TBATA: variants seen among roughly 807,000 people sequenced by gnomAD.
The protein encoded by TBATA is protein TBATA.
Under a neutral mutation model 38.7 loss-of-function variants are expected in TBATA, and 47 were observed. That is an observed-to-expected ratio of 1.21 (90% CI 0.96 to 1.55). The LOEUF (loss-of-function observed/expected upper bound fraction) is 1.55. Among genes scored for constraint, TBATA ranks in the 40% most tolerant of loss-of-function variants. The pLI, the probability that TBATA is intolerant of heterozygous loss-of-function variation, is 0.00. For synonymous variants in TBATA, 183 were observed against 170.5 expected (o/e 1.07, Z -0.57); for missense variants, 436 against 435.6 (o/e 1.00, Z -0.01).
chr10:70,772,133 G>A lies in TBATA; in HGVS notation c.973+381C>T, dbSNP rs531648109. On this transcript the variant is annotated intron_variant, in intron 10 of 10. Transcript: ENST00000456372. Reference sequence around the variant, plus strand: ...TGGGTAGAGCTGTATCTTTCCTGCCGTTCAGCTCTAGGAGCCCTCTCCCCA... The same window carrying A: ...TGGGTAGAGCTGTATCTTTCCTGCCATTCAGCTCTAGGAGCCCTCTCCCCA... 1,404 of 454,716 alleles carry A rather than the reference G, an allele frequency of 3.1e-3. 23 individuals carry two copies. Among genetic ancestry groups the A allele is most frequent in the South Asian group, 0.023 (1,364 of 59,472 alleles). The allele number at this position is 454,716 out of a possible 1,614,324, so 28.2% of individuals were successfully genotyped here. A position where few individuals can be genotyped will look rare whatever the true frequency, so the allele number is the denominator to read the frequency against.
chr10:70,778,831 T>A, intron 5 of TBATA, 195 bp from the exon 6 acceptor site: 1 of 639,488 alleles, frequency 1.6e-6, no homozygotes, highest in African/African-American at 1.8e-5. Flanking sequence ...TGGCAGTGGG[T>A]GGGGTGCGGG....
In TBATA at chr10:70,775,196, C is replaced by T. The variant is rs760287886; in HGVS notation, c.768G>A (p.Pro256=). 2.6e-5 allele frequency: 42 copies of T among 1,613,854 alleles called. No individual in the cohort carries two copies. The highest frequency in any genetic ancestry group is 5.3e-5 in the African/African-American group (4 of 75,048). The stretch of plus-strand genomic sequence containing the variant: ...GCGGGGCTGTGTCCTCACCCTTGGG[C>T]GGAGCGTAGAGCAGCCAGAACTGGA... The part of the protein sequence containing the change: ...SAIQFWLLYA[P]PKEKDLALGL... Residue 256 remains proline, a synonymous_variant, in exon 8 of 11, where the codon CCG becomes CCA. Transcript: ENST00000456372.
Position 70,774,346 on chromosome 10 carries a change from C to A in TBATA, c.787G>T (p.Ala263Ser). ...ACTGCTGTCTGCAGGAGTCCCAGAG[C>A]GAGGTCTTTTTCTGAAAGCACAGCC... Reference protein sequence around the residue: ...LYAPPKEKDLALGLLQTAVAQ... With the variant: ...LYAPPKEKDLSLGLLQTAVAQ... Residue 263 changes from alanine (A) to serine (S), a missense_variant, in exon 9 of 11, where the codon GCT becomes TCT. Coordinates refer to ENST00000456372, the MANE Select transcript of TBATA (RefSeq NM_001318241.2). 1 of 1,595,908 alleles carries A rather than the reference C, an allele frequency of 6.3e-7. No individual in the cohort carries two copies. The highest frequency in any genetic ancestry group is 1.8e-5 in the Admixed American group (1 of 56,020).
intron 3 of TBATA, among the ~76,000 whole-genome samples, chr10:70,782,839 C>A (rs892096386): frequency 2.6e-5 from 4 of 152,208 alleles, no homozygotes; most frequent in Admixed American, 2.6e-4. Flanking sequence ...GCCCTTCTCA[C>A]GGTGGCCCTG....
At chr10:70,777,511 C>A (rs868468345) in intron 6 of TBATA, among the ~76,000 whole-genome samples, 173 bp from the exon 7 acceptor site, 48 of 150,934 alleles carry the variant, frequency 3.2e-4, no homozygotes, top group African/African-American at 1.1e-3. Flanking sequence ...GCCACCCCCC[C>A]AACCTCACCT....
At chr10:70,783,214 A>T in intron 3 of TBATA, 125 bp downstream of exon 3, 1 of 1,108,052 alleles carries the variant, frequency 9.0e-7, no homozygotes. Flanking sequence ...CGGCAGCAGA[A>T]GTCCAGTAAG....
chr10:70,779,484 A>G, intron 5 of TBATA, 109 bp downstream of exon 5: 1 of 1,285,734 alleles, frequency 7.8e-7, no homozygotes, highest in Non-Finnish European at 1.0e-6. Context: ...AACGGACCTC[A>G]CTGACCTAAG....
At chr10:70,777,992 A>C in intron 6 of TBATA, 1 of 323,142 alleles carries the variant, frequency 3.1e-6, no homozygotes, top group Non-Finnish European at 6.1e-6. Flanking sequence ...TACCCAAGAC[A>C]AGGGGCAGGA....
intron 5 of TBATA, 74 bp from the exon 6 acceptor site, chr10:70,778,710 G>A (rs1589401027): frequency 7.5e-7 from 1 of 1,339,796 alleles, no homozygotes; most frequent in Non-Finnish European, 1.1e-6. Flanking sequence ...CCAGGCCTTG[G>A]TAGAGGAGTC....
chr10:70,774,992 G>A (rs775307301), intron 8 of TBATA, among the ~76,000 whole-genome samples, 197 bp downstream of exon 8: 3 of 152,200 alleles, frequency 2.0e-5, no homozygotes, highest in Non-Finnish European at 4.4e-5. Flanking sequence ...ATCCTGCTGA[G>A]GAATTGGGGA....
chr10:70,781,300 C>T (rs1305086158), intron 4 of TBATA, among the ~76,000 whole-genome samples: 1 of 152,234 alleles, frequency 6.6e-6, no homozygotes, highest in African/African-American at 2.4e-5. Flanking sequence ...AAATAGCTAT[C>T]TTCCCACTGC....
At position 70,783,524 on chromosome 10, in the gene TBATA, C is replaced by A. The variant is rs1844522974; in HGVS notation, c.-145G>T. 2 of 846,710 alleles carry A rather than the reference C, an allele frequency of 2.4e-6. No individual in the cohort carries two copies. Among genetic ancestry groups the A allele is most frequent in the East Asian group, 5.2e-5 (2 of 38,382 alleles). The allele number at this position is 846,710 out of a possible 1,614,324, so 52.4% of individuals were successfully genotyped here. ...TGGTGGAAGTGTAAACGGGAACAGG[C>A]ACTTTAGGGGGAGAAATGGTAATAT... On this transcript the variant is annotated splice_region_variant and 5_prime_UTR_variant, in exon 3 of 11. Transcript: ENST00000456372.
chr10:70,777,332 C>T lies in TBATA; in HGVS notation c.514G>A (p.Glu172Lys), dbSNP rs2132883174. 2 of 1,612,410 alleles carry T rather than the reference C, an allele frequency of 1.2e-6. No homozygotes were observed. The highest frequency in any genetic ancestry group is 1.7e-5 in the Admixed American group (1 of 59,982). Residue 172 changes from glutamate (E) to lysine (K), a missense_variant, in exon 7 of 11, where the codon GAG becomes AAG. Coordinates refer to ENST00000456372, the MANE Select transcript of TBATA (RefSeq NM_001318241.2). ...TCCCGCAGAGGCTCCTCCTTCTGCT[C>T]CTTCTGCTGGGACAAAAGTGGCCAG... The part of the protein sequence containing the change: ...EDELKKKEQK[E>K]QKEEPLREQG...
intron 10 of TBATA, among the ~76,000 whole-genome samples, chr10:70,771,826 C>G (rs1037914186): frequency 6.6e-6 from 1 of 152,142 alleles, no homozygotes; most frequent in Non-Finnish European, 1.5e-5. Context: ...TCTAAGGCAC[C>G]AGGATGACTG....
intron 6 of TBATA, 54 bp downstream of exon 6, chr10:70,778,503 A>G (rs370694013): frequency 5.5e-5 from 85 of 1,542,460 alleles, no homozygotes; most frequent in Non-Finnish European, 6.7e-5. Flanking sequence ...CTCCTTACAC[A>G]GGGAAGGATC....
intron 3 of TBATA, among the ~76,000 whole-genome samples, chr10:70,783,011 CCTT>C (rs1844451129): frequency 6.6e-6 from 1 of 152,258 alleles, no homozygotes; most frequent in African/African-American, 2.4e-5. Context: ...ATAAAGCAAA[CCTT>C]CTCTGAAAGT....
At chr10:70,781,531 C>T (rs1844210895) in intron 4 of TBATA, among the ~76,000 whole-genome samples, 1 of 152,214 alleles carries the variant, frequency 6.6e-6, no homozygotes, top group Non-Finnish European at 1.5e-5. Context: ...GAGCACTGCT[C>T]CAGGACAGAA....
intron 6 of TBATA, chr10:70,777,612 T>C (rs1843591980): frequency 2.0e-6 from 1 of 503,654 alleles, no homozygotes; most frequent in Non-Finnish European, 3.6e-6. Context: ...GCAAAAGCTC[T>C]TCCTCCTGGA....
intron 8 of TBATA, among the ~76,000 whole-genome samples, 190 bp from the exon 9 acceptor site, chr10:70,774,547 T>A (rs749889988): frequency 3.0e-4 from 45 of 152,094 alleles, no homozygotes; most frequent in Non-Finnish European, 5.7e-4. Context: ...CCCTTTCACA[T>A]CCCTGTCCTG....
Sources: allele counts gnomAD v4.1 joint callset (sites outside exome capture counted in the v4.1 genomes callset), GRCh38; gene constraint gnomAD v4.1.1; transcripts MANE v1.5; gene names NCBI Gene and HGNC (gene_info 2026-07-23, HGNC 2026-07-21).